MAP4K5: variants seen among roughly 807,000 people sequenced by gnomAD.
MAP4K5 encodes the protein MAPK/ERK kinase kinase kinase 5.
Under a neutral mutation model 135.6 loss-of-function variants are expected in MAP4K5, and 82 were observed. The ratio of observed to expected loss-of-function variants is 0.60; its 90% CI spans 0.51 to 0.73. The LOEUF is 0.73. Among genes scored for constraint, MAP4K5 ranks in the 30% least tolerant of loss-of-function variants. MAP4K5 has a pLI of 0.00. For missense variants in MAP4K5, 907 were observed against 1,010.9 expected, an observed-to-expected ratio of 0.90 and a Z score of 1.39; for synonymous variants, 347 against 335.0, an observed-to-expected ratio of 1.04 and a Z score of -0.39.
chr14:50,499,929 C>G lies in MAP4K5; in HGVS notation c.166+4871G>C, dbSNP rs145156202. ...TCAGGTAGTAACAGCAAGTTATCTA[C>G]CAGGGGAAAAATATCAGTTAGGCCT... On this transcript the variant is annotated intron_variant, in intron 3 of 32. Transcript: ENST00000682126. Among the ~76,000 whole-genome samples, 96 of 152,140 alleles carry G rather than the reference C, an allele frequency of 6.3e-4. 1 individual carries two copies. The highest frequency in any genetic ancestry group is 2.2e-3 in the African/African-American group (92 of 41,494).
Position 50,445,038 on chromosome 14 carries a change from T to C in MAP4K5, c.1339+3A>G, listed in dbSNP as rs774793429. Reference sequence around the variant, plus strand: ...CCATGGCTGCTAATAATGCTAGCCATACCAATAGAAGAAGTCTCTGCCACA... The same window carrying C: ...CCATGGCTGCTAATAATGCTAGCCACACCAATAGAAGAAGTCTCTGCCACA... On this transcript the variant is annotated splice_donor_region_variant and intron_variant, in intron 18 of 32. Transcript: ENST00000682126. The C allele has an allele frequency of 1.2e-6, 2 of 1,613,128 alleles. No homozygotes were observed. Among genetic ancestry groups the C allele is most frequent in the South Asian group, 2.2e-5 (2 of 90,928 alleles).
intron 1 of MAP4K5, among the ~76,000 whole-genome samples, chr14:50,555,988 G>A (rs1011790225): frequency 2.0e-5 from 3 of 152,116 alleles, no homozygotes; most frequent in African/African-American, 7.2e-5. Context: ...AGAACCAATG[G>A]AAGAAAAAAT....
At chr14:50,425,875 G>A (rs745311173) in intron 31 of MAP4K5, 32 bp downstream of exon 31, 1 of 1,474,876 alleles carries the variant, frequency 6.8e-7, no homozygotes, top group South Asian at 1.2e-5. Flanking sequence ...ATTGTTAGTG[G>A]GAGTCAGTGG....
intron 1 of MAP4K5, among the ~76,000 whole-genome samples, chr14:50,560,766 G>C (rs1316102642): frequency 6.6e-6 from 1 of 152,218 alleles, no homozygotes; most frequent in Non-Finnish European, 1.5e-5. Flanking sequence ...GCTCTGCAGG[G>C]CGCGGGCTCC....
At chr14:50,446,707 T>C (rs924254279) in intron 16 of MAP4K5, among the ~76,000 whole-genome samples, 1 of 152,192 alleles carries the variant, frequency 6.6e-6, no homozygotes, top group Non-Finnish European at 1.5e-5. Context: ...GGCAAACTTT[T>C]TCTATGAAGG....
At chr14:50,444,476 C>T (rs1278672489) in intron 18 of MAP4K5, among the ~76,000 whole-genome samples, 1 of 152,058 alleles carries the variant, frequency 6.6e-6, no homozygotes, top group African/African-American at 2.4e-5. Flanking sequence ...GGACCAGGTA[C>T]GGTCACTCAT....
chr14:50,432,457 G>A (rs73286527), intron 28 of MAP4K5, among the ~76,000 whole-genome samples: 3,010 of 151,826 alleles, frequency 0.02, 105 homozygotes, highest in African/African-American at 0.069. Flanking sequence ...AGGTCAGACA[G>A]TAGTTGGGGG....
rs183589785 is a variant in MAP4K5, at chr14:50,474,678, C to A, written c.542+399G>T. ...GGGTCAATAGGTGCAGCAAACCCAC[C>A]ATGGCACACGTTTACCTATGTAACA... is the stretch of plus-strand genomic sequence containing the variant. On this transcript the variant is annotated intron_variant, in intron 9 of 32. Transcript: ENST00000682126. 9.9e-5 allele frequency among the ~76,000 whole-genome samples: 15 copies of A among 152,158 alleles called. No homozygotes were observed. In the East Asian group the frequency reaches 2.9e-3, roughly 29 times the overall value.
chr14:50,527,296 C>T (rs61984299), intron 2 of MAP4K5, among the ~76,000 whole-genome samples: 23,619 of 151,790 alleles, frequency 0.16, 2,208 homozygotes, highest in Non-Finnish European at 0.2. Flanking sequence ...GCTGAGATTG[C>T]GCCACCGCAC....
In MAP4K5 at chr14:50,437,360, A is replaced by C. The variant is rs529891980; in HGVS notation, c.1882+116T>G. 2.3e-5 allele frequency: 18 copies of C among 769,872 alleles called. 1 individual carries two copies. In the Admixed American group the frequency reaches 5.0e-4, roughly 21 times the overall value. The allele number at this position is 769,872 out of a possible 1,614,324, so 47.7% of individuals were successfully genotyped here. A position where few individuals can be genotyped will look rare whatever the true frequency, so the allele number is the denominator to read the frequency against. ...TTCAATGGCAGCTTAACTTCTTACT[A>C]AACACAAATTTTAAAAACCTACCCT... On this transcript the variant is annotated intron_variant, in intron 26 of 32. Transcript: ENST00000682126.
At chr14:50,538,662 A>G (rs1019484429) in intron 2 of MAP4K5, among the ~76,000 whole-genome samples, 3 of 152,208 alleles carry the variant, frequency 2.0e-5, no homozygotes, top group African/African-American at 4.8e-5. Flanking sequence ...CTGGGATCCT[A>G]TCTTACAGCT....
Position 50,531,923 on chromosome 14 carries a change from C to G in MAP4K5, c.108+19G>C, listed in dbSNP as rs1487001097. On this transcript the variant is annotated intron_variant, in intron 2 of 32. Transcript: ENST00000682126. ...GACCCAGTCGACCGCAGGAAAAAAG[C>G]ACGGCCAGCCTCACTTACCTTATAG... The G allele has an allele frequency of 7.1e-6, 11 of 1,546,478 alleles. No individual in the cohort carries two copies. Among genetic ancestry groups the G allele is most frequent in the Non-Finnish European group, 7.9e-6 (9 of 1,133,310 alleles).
rs2035673268 is a variant in MAP4K5 at position 50,419,359 on chromosome 14, G to C, written c.*660C>G. 1 of 152,274 alleles carries C rather than the reference G, an allele frequency of 6.6e-6. No individual in the cohort carries two copies. The highest frequency in any genetic ancestry group is 1.5e-5 in the Non-Finnish European group (1 of 67,972). 9.4% of individuals were successfully genotyped at this position (152,274 alleles called of 1,614,324 possible). A position where few individuals can be genotyped will look rare whatever the true frequency, so the allele number is the denominator to read the frequency against. ...TTTTAAGGTAATTCTGTATGAAACT[G>C]TATTATAAAATACTTTTGTTAAGCA... On this transcript the variant is annotated 3_prime_UTR_variant, in exon 33 of 33. Coordinates refer to ENST00000682126, the MANE Select transcript of MAP4K5 (RefSeq NM_006575.6).
At chr14:50,443,429 G>T (rs541313313) in intron 20 of MAP4K5, among the ~76,000 whole-genome samples, 2 of 152,038 alleles carry the variant, frequency 1.3e-5, no homozygotes, top group African/African-American at 4.8e-5. Flanking sequence ...GAGGTAGAAA[G>T]ATATTTAATC....
chr14:50,520,221 G>A (rs770652514), intron 2 of MAP4K5, among the ~76,000 whole-genome samples: 4 of 152,126 alleles, frequency 2.6e-5, no homozygotes, highest in Non-Finnish European at 5.9e-5. Context: ...AAATTTGGCC[G>A]GGCGTGGTGG....
intron 8 of MAP4K5, among the ~76,000 whole-genome samples, chr14:50,475,630 C>T (rs1334981854): frequency 6.6e-6 from 1 of 152,044 alleles, no homozygotes; most frequent in East Asian, 1.9e-4. Context: ...TAGCCTGAGG[C>T]CAGGAGTCCA....
rs112183972 is a variant in MAP4K5, at chr14:50,489,542, T to C, written c.167-3348A>G. Among the ~76,000 whole-genome samples the C allele has an allele frequency of 1.2e-4, 18 of 152,290 alleles. 1 individual carries two copies. The highest frequency in any genetic ancestry group is 4.3e-4 in the African/African-American group (18 of 41,582). ...GCCCTGAAGTACCAATATCTTCTCT[T>C]AAAAACCAATTTTTCTTCCTGACTT... is the stretch of plus-strand genomic sequence containing the variant. On this transcript the variant is annotated intron_variant, in intron 3 of 32. Coordinates refer to ENST00000682126, the MANE Select transcript of MAP4K5 (RefSeq NM_006575.6).
At chr14:50,505,482 T>C (rs949087004) in intron 2 of MAP4K5, among the ~76,000 whole-genome samples, 9 of 152,194 alleles carry the variant, frequency 5.9e-5, no homozygotes, top group Admixed American at 3.3e-4. Context: ...TTTGTATCTA[T>C]CCACAGCCTT....
chr14:50,554,495 G>A (rs2038741396), intron 1 of MAP4K5, among the ~76,000 whole-genome samples: 1 of 152,196 alleles, frequency 6.6e-6, no homozygotes, highest in South Asian at 2.1e-4. Context: ...GGAATGGGGT[G>A]GATTGTAGTG....
Sources: gnomAD v4.1 joint callset for allele counts (sites outside exome capture counted in the v4.1 genomes callset) on GRCh38, gnomAD v4.1.1 for gene constraint, MANE v1.5 for transcripts, NCBI Gene and HGNC (gene_info 2026-07-23, HGNC 2026-07-21) for gene names.